MECOM: variants seen among roughly 807,000 people sequenced by gnomAD.
The protein encoded by MECOM is MDS1 and EVI1 complex locus, also known as histone-lysine N-methyltransferase MECOM.
MECOM carries 13 observed loss-of-function variants against 116.3 expected under a neutral mutation model. The ratio of observed to expected loss-of-function variants is 0.11; its 90% confidence interval spans 0.07 to 0.18. The LOEUF is 0.18. MECOM is among the 10% of genes least tolerant of loss of function. The probability of loss-of-function intolerance (pLI) is 1.00; values close to 1 mark genes in which losing one functional copy is unlikely to be tolerated. For missense variants in MECOM, 1,299 were observed against 1,509.0 expected, an observed-to-expected ratio of 0.86 and a Z score of 2.31; for synonymous variants, 528 against 535.2, an observed-to-expected ratio of 0.99 and a Z score of 0.19.
chr3:169,142,942 C>A (rs1738583931), intron 3 of MECOM, among the ~76,000 whole-genome samples: 2 of 151,812 alleles, frequency 1.3e-5, no homozygotes, highest in African/African-American at 4.8e-5. Context: ...AATTCTAGCT[C>A]AACAATGTTT....
chr3:169,179,008 C>A (rs67523961), intron 2 of MECOM, among the ~76,000 whole-genome samples: 13,186 of 152,116 alleles, frequency 0.087, 645 homozygotes, highest in South Asian at 0.2. Context: ...ATTTATTTAA[C>A]AGAGTAATAA....
intron 1 of MECOM, among the ~76,000 whole-genome samples, chr3:169,601,530 G>A (rs1482968451): frequency 2.0e-5 from 3 of 152,144 alleles, no homozygotes; most frequent in Non-Finnish European, 2.9e-5. Flanking sequence ...ATGGTCCTGC[G>A]CCGCAGTAGA....
At chr3:169,310,157 AT>A (rs1256902012) in intron 2 of MECOM, among the ~76,000 whole-genome samples, 4 of 152,248 alleles carry the variant, frequency 2.6e-5, no homozygotes, top group Non-Finnish European at 5.9e-5. Context: ...TTGTGTCTTT[AT>A]AAGATTAAAG....
At position 169,100,961 on chromosome 3, in the gene MECOM, A is replaced by T; in HGVS notation, c.2773T>A (p.Tyr925Asn). The change falls in exon 12 of 17, where the codon TAC becomes AAC. Residue 925 changes from tyrosine to asparagine, a missense_variant and splice_region_variant. Around this residue, in one of 6 missense-constraint regions of MECOM, gnomAD observed 32 missense variants for 96.7 expected, o/e 0.33. Coordinates refer to ENST00000651503, the MANE Select transcript of MECOM (RefSeq NM_004991.4). ...GACCTTGGAAAAATCTTGCCACAGT[A>T]TCTGTTATGAAAAGATGTTTATAAG... ...RKGKERYTCR[Y>N]CGKIFPRSAN... 1 of 1,607,296 alleles carries T rather than the reference A, an allele frequency of 6.2e-7. No individual in the cohort carries two copies.
intron 2 of MECOM, among the ~76,000 whole-genome samples, chr3:169,355,394 A>C (rs1727090381): frequency 6.6e-6 from 1 of 151,966 alleles, no homozygotes; most frequent in Non-Finnish European, 1.5e-5. Flanking sequence ...TTTGGTTTTC[A>C]AAAGTGAATG....
At chr3:169,226,274 C>T (rs551163311) in intron 2 of MECOM, among the ~76,000 whole-genome samples, 3 of 152,232 alleles carry the variant, frequency 2.0e-5, no homozygotes, top group African/African-American at 4.8e-5. Context: ...TATCTAATAT[C>T]ACCTGAATAA....
chr3:169,109,375 C>T (rs1460219617), intron 9 of MECOM, among the ~76,000 whole-genome samples: 2 of 151,974 alleles, frequency 1.3e-5, no homozygotes, highest in Non-Finnish European at 2.9e-5. Flanking sequence ...ACTTTAGACC[C>T]TCAGCATTCA....
chr3:169,519,572 C>A (rs76373373), intron 1 of MECOM, among the ~76,000 whole-genome samples: 2,749 of 152,312 alleles, frequency 0.018, 30 homozygotes, highest in Middle Eastern at 0.037. Context: ...ATGCCCAATT[C>A]AGTATCTGGC....
At chr3:169,269,869 G>A (rs368987745) in intron 2 of MECOM, among the ~76,000 whole-genome samples, 95 of 152,234 alleles carry the variant, frequency 6.2e-4, no homozygotes, top group African/African-American at 2.3e-3. Context: ...CTTTAAAAGA[G>A]AGTAGGTTTG....
chr3:169,285,154 G>T (rs1456521174), intron 2 of MECOM, among the ~76,000 whole-genome samples: 1 of 151,996 alleles, frequency 6.6e-6, no homozygotes, highest in Non-Finnish European at 1.5e-5. Context: ...AACTCCCCAG[G>T]GCCCTCAGGA....
chr3:169,092,028 A>G (rs530014827), intron 14 of MECOM, among the ~76,000 whole-genome samples: 1 of 152,272 alleles, frequency 6.6e-6, no homozygotes, highest in African/African-American at 2.4e-5. Context: ...TCAACAATAG[A>G]TATTTAATTA....
At chr3:169,145,009 G>T in intron 2 of MECOM, 1 of 1,560,228 alleles carries the variant, frequency 6.4e-7, no homozygotes, top group South Asian at 1.2e-5. Flanking sequence ...TATACTTCAA[G>T]AAAAACCCAG....
chr3:169,351,941 CTGAT>C (rs1560164947), intron 2 of MECOM, among the ~76,000 whole-genome samples: 1 of 151,838 alleles, frequency 6.6e-6, no homozygotes, highest in South Asian at 2.1e-4. Context: ...CCTTTTTTCT[CTGAT>C]TGAGGAATTG....
At chr3:169,652,353 C>A (rs1775023772) in intron 1 of MECOM, among the ~76,000 whole-genome samples, 1 of 152,114 alleles carries the variant, frequency 6.6e-6, no homozygotes, top group Non-Finnish European at 1.5e-5. Context: ...ATAGTTCCCA[C>A]CAAAGGTAAA....
At chr3:169,285,847 G>A (rs1260982439) in intron 2 of MECOM, among the ~76,000 whole-genome samples, 1 of 152,118 alleles carries the variant, frequency 6.6e-6, no homozygotes, top group Non-Finnish European at 1.5e-5. Context: ...TCAGTAACAT[G>A]TTTGCTTCAG....
At chr3:169,464,086 C>T (rs1747886832) in intron 1 of MECOM, 1 of 152,118 alleles carries the variant, frequency 6.6e-6, no homozygotes, top group Non-Finnish European at 1.5e-5. Flanking sequence ...CCCTTGAGAG[C>T]AACAGCACAA....
intron 2 of MECOM, among the ~76,000 whole-genome samples, chr3:169,152,466 C>T (rs926399608): frequency 3.9e-5 from 6 of 152,088 alleles, no homozygotes; most frequent in Non-Finnish European, 7.4e-5. Context: ...GTCAGGGCAC[C>T]TAACAGCTCA....
In MECOM at chr3:169,496,488, G is replaced by A. The variant is rs370677132; in HGVS notation, c.38-114964C>T. Among the ~76,000 whole-genome samples, 11 of 152,156 alleles carry A rather than the reference G, an allele frequency of 7.2e-5. 1 individual carries two copies. The highest frequency in any genetic ancestry group is 5.9e-4 in the Admixed American group (9 of 15,270). On this transcript the variant is annotated intron_variant, in intron 1 of 16. Coordinates refer to ENST00000651503, the MANE Select transcript of MECOM (RefSeq NM_004991.4). ...AGATCAAGTGAATCGTCAAACTAAT[G>A]TGTTTTTTCAGGAAGCTAATTCTGT...
At chr3:169,257,275 C>T (rs1057291006) in intron 2 of MECOM, among the ~76,000 whole-genome samples, 5 of 152,110 alleles carry the variant, frequency 3.3e-5, no homozygotes, top group Admixed American at 1.3e-4. Context: ...TCCCTTTCCA[C>T]TTTGTGAGTA....
Sources: gnomAD v4.1 joint callset for allele counts (sites outside exome capture counted in the v4.1 genomes callset) on GRCh38, gnomAD v4.1.1 for gene constraint, gnomAD v4.1.1 regional missense constraint, MANE v1.5 for transcripts, NCBI Gene and HGNC (gene_info 2026-07-23, HGNC 2026-07-21) for gene names.